The following MISP variants were observed in gnomAD, a reference collection of about 807,000 sequenced individuals.
The protein encoded by MISP is mitotic interactor and substrate of PLK1.
Under a neutral mutation model 49.3 loss-of-function variants are expected in MISP, and 51 were observed. The observed-to-expected ratio is 1.03, with a 90% confidence interval of 0.83 to 1.31. MISP has a LOEUF of 1.31. Ranked by LOEUF, MISP falls within the 50% of genes most tolerant of loss-of-function variation. MISP has a pLI of 0.00. For synonymous variants in MISP, 444 were observed against 392.6 expected (o/e 1.13, Z -1.55); for missense variants, 1,084 against 935.1 (o/e 1.16, Z -2.08).
chr19:749,299 C>A (rs145915430), upstream of MISP, among the ~76,000 whole-genome samples: 2,794 of 152,334 alleles, frequency 0.018, 33 homozygotes, highest in Middle Eastern at 0.027. Flanking sequence ...GAGAGCACTG[C>A]TGAGGGAACT....
Position 758,113 on chromosome 19 carries a change from C to A in MISP, c.1167C>A (p.Leu389=). ...TCTCGGAGGGTCCCCAGCCCGGACT[C>A]CGGAGAGCCCTCAGCTCAGATTCCA... The part of the protein sequence containing the change: ...DWVSEGPQPG[L]RRALSSDSIL... Residue 389 remains leucine (L), a synonymous_variant, in exon 2 of 5, where the codon CTC becomes CTA. Transcript: ENST00000215582. 1 of 1,602,978 alleles carries A rather than the reference C, an allele frequency of 6.2e-7. No individual in the cohort carries two copies. The highest frequency in any genetic ancestry group is 1.1e-5 in the South Asian group (1 of 90,094).
intron 3 of MISP, chr19:760,308 A>T (rs984309770): frequency 2.9e-6 from 1 of 345,934 alleles, no homozygotes; most frequent in South Asian, 4.7e-5. Context: ...CAAAGGACCA[A>T]CTCTGCTTGG....
upstream of MISP, among the ~76,000 whole-genome samples, chr19:749,752 CAG>C (rs994628259): frequency 2.6e-5 from 4 of 152,042 alleles, no homozygotes; most frequent in African/African-American, 7.2e-5. Context: ...ATTGCTTGAA[CAG>C]GGGAGGTTGC....
Position 758,274 on chromosome 19 carries a change from C to T in MISP, c.1328C>T (p.Ala443Val), listed in dbSNP as rs141459831. 1,163 of 1,613,898 alleles carry T rather than the reference C, an allele frequency of 7.2e-4. 1 individual carries two copies. The highest frequency in any genetic ancestry group is 6.3e-4 in the Non-Finnish European group (748 of 1,180,024). ...TPQLEFSAFG[A>V]FGKPSSLSTA... ...CAGCTAGAATTCTCAGCCTTCGGAG[C>T]ATTCGGCAAGCCCAGCAGTCTCTCC... Residue 443 changes from alanine (A) to valine (V), a missense_variant, in exon 2 of 5, where the codon GCA (alanine) becomes GTA (valine). Physicochemically the swap from Ala to Val is moderately conservative, Grantham distance 64 (BLOSUM62 0). Transcript: ENST00000215582.
intron 2 of MISP, 86 bp downstream of exon 2, chr19:758,812 T>C (rs1402848885): frequency 1.3e-5 from 15 of 1,162,608 alleles, no homozygotes; most frequent in East Asian, 2.5e-5. Context: ...AGTTTGAGGC[T>C]GTCAAAGGGC....
intron 2 of MISP, 142 bp from the exon 3 acceptor site, chr19:759,767 T>C (rs2033641791): frequency 2.2e-6 from 2 of 893,870 alleles, no homozygotes; most frequent in East Asian, 2.7e-5. Flanking sequence ...CTGGCTACTT[T>C]GGTCAATCTG....
intron 4 of MISP, among the ~76,000 whole-genome samples, chr19:762,404 C>G (rs958095385): frequency 6.6e-6 from 1 of 151,636 alleles, no homozygotes; most frequent in African/African-American, 2.4e-5. Context: ...AGGCACCCAC[C>G]ACCATGCCCA....
chr19:755,329 G>A (rs373738887), intron 1 of MISP, among the ~76,000 whole-genome samples: 1 of 152,318 alleles, frequency 6.6e-6, no homozygotes, highest in East Asian at 1.9e-4. Context: ...CAAGGTCCAC[G>A]GTGTTCCTTT....
intron 2 of MISP, among the ~76,000 whole-genome samples, chr19:758,973 A>G (rs1352853775): frequency 6.6e-6 from 1 of 152,194 alleles, no homozygotes; most frequent in Non-Finnish European, 1.5e-5. Flanking sequence ...TGTTAGGCGC[A>G]TAAATGTTCA....
At chr19:759,431 G>A (rs1426132622) in intron 2 of MISP, among the ~76,000 whole-genome samples, 9 of 130,794 alleles carry the variant, frequency 6.9e-5, no homozygotes, top group Non-Finnish European at 9.4e-5. Flanking sequence ...ATGGAGTCTC[G>A]CTCTGTCACC....
At chr19:760,386 G>A (rs922795670) in intron 3 of MISP, 37 of 167,590 alleles carry the variant, frequency 2.2e-4, no homozygotes, top group East Asian at 1.6e-3. Context: ...TTTTTTTTGA[G>A]ACGGAGTCTC....
At position 762,054 on chromosome 19, in the gene MISP, T is replaced by G. The variant is rs1292212166; in HGVS notation, c.1950+391T>G. ...GCTCCGCCTCCCGGGTTCACGCCAT[T>G]CTCCTGCCTCAGCCTCCCGAGTAGC... On this transcript the variant is annotated intron_variant, in intron 4 of 4. Transcript: ENST00000215582. Among the ~76,000 whole-genome samples, 4 of 150,932 alleles carry G rather than the reference T, an allele frequency of 2.7e-5. No homozygotes were observed. In the South Asian group the frequency reaches 6.3e-4, roughly 24 times the overall value.
intron 4 of MISP, among the ~76,000 whole-genome samples, chr19:761,910 A>G (rs1176442946): frequency 6.6e-6 from 1 of 151,046 alleles, no homozygotes; most frequent in African/African-American, 2.4e-5. Context: ...GTGAGGTTAG[A>G]CCCCAAACAA....
chr19:758,346 C>T lies in MISP; in HGVS notation c.1400C>T (p.Pro467Leu), dbSNP rs768527442. The T allele has an allele frequency of 2.9e-5, 47 of 1,614,032 alleles. No individual in the cohort carries two copies. Among genetic ancestry groups the T allele is most frequent in the Admixed American group, 6.7e-5 (4 of 60,008 alleles). The change falls in exon 2 of 5, where the codon CCG becomes CTG. Residue 467 changes from proline to leucine, a missense_variant. Pro to Leu is a moderately conservative substitution (Grantham distance 98, BLOSUM62 -3). Coordinates refer to ENST00000215582, the MANE Select transcript of MISP (RefSeq NM_173481.4). ...ACTTCACCAAAGGCCACGATGTCCC[C>T]GAGGCATCTCTCAGAATCCTCTGGA... ...AATSPKATMS[P>L]RHLSESSGKP...
chr19:750,083 G>C (rs549889247), upstream of MISP, among the ~76,000 whole-genome samples: 1 of 151,862 alleles, frequency 6.6e-6, no homozygotes, highest in Non-Finnish European at 1.5e-5. Flanking sequence ...TCCCAGCAAG[G>C]CCTCTGCACC....
chr19:763,432 CAGTTGG>C (rs2033706157), intron 4 of MISP, 63 bp from the exon 5 acceptor site: 4 of 1,105,298 alleles, frequency 3.6e-6, no homozygotes, highest in Middle Eastern at 2.0e-4. Context: ...AATGAATTGG[CAGTTGG>C]AGGAGACATC....
Position 758,567 on chromosome 19 carries a change from T to C in MISP, c.1621T>C (p.Ser541Pro), listed in dbSNP as rs750250141. ...GGCCCCTGCACTGAGGCTGCAGAAG[T>C]CCCAGTCATCTGATCTGCTGGAAAG... The part of the protein sequence containing the change: ...AGAPALRLQK[S>P]QSSDLLERER... Residue 541 changes from serine to proline, a missense_variant, in exon 2 of 5, where the codon TCC becomes CCC. Physicochemically the swap from Ser to Pro is moderately conservative, Grantham distance 74 (BLOSUM62 -1). Coordinates refer to ENST00000215582, the MANE Select transcript of MISP (RefSeq NM_173481.4). The C allele has an allele frequency of 3.7e-6, 6 of 1,614,128 alleles. No individual in the cohort carries two copies. The East Asian group carries it at 1.1e-4, about 30-fold the overall frequency.
At chr19:759,566 A>G (rs1230125983) in intron 2 of MISP, among the ~76,000 whole-genome samples, 1 of 151,258 alleles carries the variant, frequency 6.6e-6, no homozygotes, top group African/African-American at 2.4e-5. Flanking sequence ...CGCCTGGCTA[A>G]TTTTTTTGTA....
intron 1 of MISP, among the ~76,000 whole-genome samples, chr19:752,057 G>A (rs992016049): frequency 1.3e-5 from 2 of 152,206 alleles, no homozygotes; most frequent in Non-Finnish European, 2.9e-5. Context: ...GTGATTTGGA[G>A]CAAAGTCTGA....
Sources: allele counts gnomAD v4.1 joint callset (sites outside exome capture counted in the v4.1 genomes callset), GRCh38; gene constraint gnomAD v4.1.1; transcripts MANE v1.5; gene names NCBI Gene and HGNC (gene_info 2026-07-23, HGNC 2026-07-21).